Variants in ALDOB observed in about 807,000 individuals in gnomAD.
The protein encoded by ALDOB is fructose-bisphosphate aldolase B.
Under a neutral mutation model 41.0 loss-of-function variants are expected in ALDOB, and 39 were observed. The ratio of observed to expected loss-of-function variants is 0.95; its 90% CI spans 0.74 to 1.24. The LOEUF is 1.24. Ranked by LOEUF, ALDOB falls within the 50% of genes most tolerant of loss-of-function variation. ALDOB has a pLI of 0.00. For missense variants in ALDOB, 530 were observed against 457.3 expected (o/e 1.16, Z -1.45); for synonymous variants, 175 against 168.8 (o/e 1.04, Z -0.28).
chr9:101,421,707 G>T lies in ALDOB; in HGVS notation c.*102C>A. 1.1e-6 allele frequency: 1 copy of T among 898,848 alleles called. No individual in the cohort carries two copies. Among genetic ancestry groups the T allele is most frequent in the Non-Finnish European group, 1.8e-6 (1 of 542,264 alleles). The allele number at this position is 898,848 out of a possible 1,614,324, so 55.7% of individuals were successfully genotyped here. On this transcript the variant is annotated 3_prime_UTR_variant, in exon 9 of 9. Coordinates refer to ENST00000647789, the MANE Select transcript of ALDOB (RefSeq NM_000035.4). The stretch of plus-strand genomic sequence containing the variant: ...TTTAACATGTGTTGTATTTCCAGCA[G>T]TTCAAATCTAATTGTGTCGAATTTC...
chr9:101,428,613 T>G, intron 3 of ALDOB, 90 bp from the exon 4 acceptor site: 13 of 1,139,472 alleles, frequency 1.1e-5, no homozygotes, highest in Non-Finnish European at 1.7e-5. Flanking sequence ...CTTTTACAGA[T>G]CAAGGAGTTG....
In ALDOB at chr9:101,421,695, G is replaced by T. The variant is rs949211506; in HGVS notation, c.*114C>A. 4.9e-6 allele frequency: 4 copies of T among 823,042 alleles called. No homozygotes were observed. Among genetic ancestry groups the T allele is most frequent in the Non-Finnish European group, 8.4e-6 (4 of 476,670 alleles). The allele number at this position is 823,042 out of a possible 1,614,324, so 51.0% of individuals were successfully genotyped here. A position where few individuals can be genotyped will look rare whatever the true frequency, so the allele number is the denominator to read the frequency against. On this transcript the variant is annotated 3_prime_UTR_variant, in exon 9 of 9. Coordinates refer to ENST00000647789, the MANE Select transcript of ALDOB (RefSeq NM_000035.4). ...TTGTACTTAAGATTTAACATGTGTTGTATTTCCAGCAGTTCAAATCTAATT... is the reference window on the plus strand; with the variant it reads ...TTGTACTTAAGATTTAACATGTGTTTTATTTCCAGCAGTTCAAATCTAATT...
rs1451682708 is a variant in ALDOB, at chr9:101,421,107, T to A, written c.*702A>T. ...TCAAACTTGAAATTTAGATTGGTAG[T>A]TCTCAAACTTGACTGTACATTGGAA... On this transcript the variant is annotated 3_prime_UTR_variant, in exon 9 of 9. Transcript: ENST00000647789. The A allele has an allele frequency of 1.3e-5, 2 of 152,422 alleles. No homozygotes were observed. The highest frequency in any genetic ancestry group is 2.9e-5 in the Non-Finnish European group (2 of 68,194). The allele number at this position is 152,422 out of a possible 1,614,324, so 9.4% of individuals were successfully genotyped here. A position where few individuals can be genotyped will look rare whatever the true frequency, so the allele number is the denominator to read the frequency against.
chr9:101,425,160 C>G lies in ALDOB; in HGVS notation c.800-118G>C, dbSNP rs1371792276. ...TCAGTCTTTTCTCTGCTTAATTTGCCTTAAAGCAAACTGAGAAATCAGTTT... is the reference window on the plus strand; with the variant it reads ...TCAGTCTTTTCTCTGCTTAATTTGCGTTAAAGCAAACTGAGAAATCAGTTT... On this transcript the variant is annotated intron_variant, in intron 7 of 8. Transcript: ENST00000647789. The G allele has an allele frequency of 7.2e-6, 9 of 1,245,370 alleles. No individual in the cohort carries two copies. The Admixed American group carries it at 1.7e-4, about 24-fold the overall frequency. 77.1% of individuals were successfully genotyped at this position (1,245,370 alleles called of 1,614,324 possible). A position where few individuals can be genotyped will look rare whatever the true frequency, so the allele number is the denominator to read the frequency against.
rs1320313997 is a variant in ALDOB at position 101,428,592 on chromosome 9, A to G, written c.325-69T>C. On this transcript the variant is annotated intron_variant, in intron 3 of 8. Coordinates refer to ENST00000647789, the MANE Select transcript of ALDOB (RefSeq NM_000035.4). ...ACAAGCAGAACTCTTGAACTAACTAACAGTTTGCATCTTTTACAGATCAAG... is the reference window on the plus strand; with the variant it reads ...ACAAGCAGAACTCTTGAACTAACTAGCAGTTTGCATCTTTTACAGATCAAG... The G allele has an allele frequency of 6.2e-6, 8 of 1,286,150 alleles. No individual in the cohort carries two copies. In the Admixed American group the frequency reaches 1.0e-4, roughly 16 times the overall value. The allele number at this position is 1,286,150 out of a possible 1,614,324, so 79.7% of individuals were successfully genotyped here.
At chr9:101,422,843 A>G (rs1277415107) in intron 8 of ALDOB, among the ~76,000 whole-genome samples, 1 of 152,234 alleles carries the variant, frequency 6.6e-6, no homozygotes, top group African/African-American at 2.4e-5. Flanking sequence ...TATACATTAT[A>G]TGCATATATA....
Position 101,421,853 on chromosome 9 carries a change from C to T in ALDOB, c.1051G>A (p.Ala351Thr), listed in dbSNP as rs1831051856. 1 of 1,613,946 alleles carries T rather than the reference C, an allele frequency of 6.2e-7. No individual in the cohort carries two copies. The highest frequency in any genetic ancestry group is 1.1e-5 in the South Asian group (1 of 91,068). Residue 351 changes from alanine to threonine, a missense_variant, in exon 9 of 9, where the codon GCT becomes ACT. By Grantham distance (58) the Ala-to-Thr change is moderately conservative. Coordinates refer to ENST00000647789, the MANE Select transcript of ALDOB (RefSeq NM_000035.4). ...GQYVHTGSSGAASTQSLFTAC... is the reference protein window; with the variant it reads ...GQYVHTGSSGTASTQSLFTAC... ...GTGAAGAGCGACTGGGTGGAAGCAG[C>T]CCCAGAAGAACCCGTGTGAACATAC... is the stretch of plus-strand genomic sequence containing the variant.
At chr9:101,424,493 T>G (rs1831094521) in intron 8 of ALDOB, among the ~76,000 whole-genome samples, 1 of 152,148 alleles carries the variant, frequency 6.6e-6, no homozygotes, top group South Asian at 2.1e-4. Flanking sequence ...AATGCTTGGT[T>G]CACCCTACAA....
Position 101,420,778 on chromosome 9 carries a change from A to G in ALDOB, c.*1031T>C, listed in dbSNP as rs1001109094. 1 of 152,158 alleles carries G rather than the reference A, an allele frequency of 6.6e-6. No homozygotes were observed. The highest frequency in any genetic ancestry group is 1.5e-5 in the Non-Finnish European group (1 of 68,042). The allele number at this position is 152,158 out of a possible 1,614,324, so 9.4% of individuals were successfully genotyped here. On this transcript the variant is annotated 3_prime_UTR_variant, in exon 9 of 9. Coordinates refer to ENST00000647789, the MANE Select transcript of ALDOB (RefSeq NM_000035.4). Reference sequence around the variant, plus strand: ...CATCACTTTTATATTGTCCAAAGTTATAATATTTAAATTCTCTTTTATAAC... The same window carrying G: ...CATCACTTTTATATTGTCCAAAGTTGTAATATTTAAATTCTCTTTTATAAC...
At position 101,428,473 on chromosome 9, in the gene ALDOB, A is replaced by G. The variant is rs886063292; in HGVS notation, c.375T>C (p.Ile125=). ...CTCAGTGGGCAATATCCTTACCTTG[A>G]ATGGTGGTTTCTTTGTTTGTTCCTG... is the stretch of plus-strand genomic sequence containing the variant. The part of the protein sequence containing the change: ...PLAGTNKETT[I]QGLDGLSERC... Residue 125 remains isoleucine, a synonymous_variant, in exon 4 of 9, where the codon ATT becomes ATC. Transcript: ENST00000647789. 1.9e-6 allele frequency: 3 copies of G among 1,613,690 alleles called. No homozygotes were observed. The highest frequency in any genetic ancestry group is 2.5e-6 in the Non-Finnish European group (3 of 1,179,650).
rs1326917816 is a variant in ALDOB, at chr9:101,430,917, A to G, written c.-10-20T>C. 4.5e-6 allele frequency: 7 copies of G among 1,542,032 alleles called. No homozygotes were observed. The highest frequency in any genetic ancestry group is 1.4e-5 in the African/African-American group (1 of 73,282). On this transcript the variant is annotated intron_variant, in intron 1 of 8. Coordinates refer to ENST00000647789, the MANE Select transcript of ALDOB (RefSeq NM_000035.4). ...ACAGGTCTGGAAAAGAGTGTGCGAG[A>G]GTTGTGCACAGAACCATGGGTGGCT...
At chr9:101,428,209 C>A (rs908992629) in intron 4 of ALDOB, among the ~76,000 whole-genome samples, 1 of 152,158 alleles carries the variant, frequency 6.6e-6, no homozygotes, top group African/African-American at 2.4e-5. Flanking sequence ...TGGTAAGCAC[C>A]TTATGTACAT....
intron 8 of ALDOB, among the ~76,000 whole-genome samples, chr9:101,423,907 G>C (rs192372200): frequency 6.6e-5 from 10 of 152,106 alleles, no homozygotes; most frequent in South Asian, 6.2e-4. Context: ...TAAAAATTTT[G>C]GTTATTATTT....
rs775053176 is a variant in ALDOB, at chr9:101,427,485, C to T, written c.537G>A (p.Gln179=). Residue 179 remains glutamine, a synonymous_variant, in exon 5 of 9, where the codon CAG becomes CAA. Coordinates refer to ENST00000647789, the MANE Select transcript of ALDOB (RefSeq NM_000035.4). ...NALARYASIC[Q]QNGLVPIVEP... ...GCCCAAGGGGAAGGCAGAGCACCTG[C>T]TGACAGATGCTGGCGTAGCGAGCCA... 13 of 1,614,074 alleles carry T rather than the reference C, an allele frequency of 8.1e-6. No individual in the cohort carries two copies. Among genetic ancestry groups the T allele is most frequent in the Admixed American group, 1.7e-5 (1 of 60,006 alleles).
chr9:101,427,201 C>T (rs1831143027), intron 5 of ALDOB, among the ~76,000 whole-genome samples: 1 of 152,152 alleles, frequency 6.6e-6, no homozygotes, highest in Non-Finnish European at 1.5e-5. Context: ...TCCCTGCCCT[C>T]AAAAGCCCGA....
intron 2 of ALDOB, among the ~76,000 whole-genome samples, 178 bp from the exon 3 acceptor site, chr9:101,430,144 G>A (rs1398900608): frequency 6.6e-6 from 1 of 152,176 alleles, no homozygotes; most frequent in Non-Finnish European, 1.5e-5. Flanking sequence ...TTGCTCTCAG[G>A]TGGCTAGTTA....
chr9:101,421,401 T>C lies in ALDOB; in HGVS notation c.*408A>G, dbSNP rs562463127. On this transcript the variant is annotated 3_prime_UTR_variant, in exon 9 of 9. Transcript: ENST00000647789. ...TGAAGGTTTATAGAATATTTATTTC[T>C]TTTTTGGTTGCAGCTATCTCCTTCC... 1.7e-5 allele frequency: 5 copies of C among 302,882 alleles called. No homozygotes were observed. Among genetic ancestry groups the C allele is most frequent in the Admixed American group, 9.0e-5 (2 of 22,228 alleles). The allele number at this position is 302,882 out of a possible 1,614,324, so 18.8% of individuals were successfully genotyped here. A position where few individuals can be genotyped will look rare whatever the true frequency, so the allele number is the denominator to read the frequency against.
chr9:101,427,499 C>G lies in ALDOB; in HGVS notation c.523G>C (p.Ala175Pro), dbSNP rs755134927. 8 of 1,614,178 alleles carry G rather than the reference C, an allele frequency of 5.0e-6. No homozygotes were observed. Among genetic ancestry groups the G allele is most frequent in the Non-Finnish European group, 6.8e-6 (8 of 1,180,026 alleles). ...CAGAGCACCTGCTGACAGATGCTGG[C>G]GTAGCGAGCCAGGGCGTTGGCGTTT... ...QENANALARY[A>P]SICQQNGLVP... The change falls in exon 5 of 9, where the codon GCC becomes CCC. Residue 175 changes from alanine (A) to proline (P), a missense_variant. Coordinates refer to ENST00000647789, the MANE Select transcript of ALDOB (RefSeq NM_000035.4).
rs569499451 is a variant in ALDOB, at chr9:101,427,380, A to AG, written c.540+101dup. 379 of 1,423,390 alleles carry AG rather than the reference A, an allele frequency of 2.7e-4. 2 individuals are homozygous for AG. In the South Asian group the frequency reaches 4.3e-3, roughly 16 times the overall value. The allele number at this position is 1,423,390 out of a possible 1,614,324, so 88.2% of individuals were successfully genotyped here. A position where few individuals can be genotyped will look rare whatever the true frequency, so the allele number is the denominator to read the frequency against. ...AAAATGCCACTAGGATATACTGGTGAGGGAAAAGGAGGTCCATTTGTAGTT... is the reference window on the plus strand; with the variant it reads ...AAAATGCCACTAGGATATACTGGTGAGGGGAAAAGGAGGTCCATTTGTAGTT... On this transcript the variant is annotated intron_variant, in intron 5 of 8. Transcript: ENST00000647789.
Sources: gnomAD v4.1 joint callset for allele counts (sites outside exome capture counted in the v4.1 genomes callset) on GRCh38, gnomAD v4.1.1 for gene constraint, MANE v1.5 for transcripts, NCBI Gene and HGNC (gene_info 2026-07-23, HGNC 2026-07-21) for gene names.